Variants in PLAAT5 observed in about 807,000 individuals in gnomAD.
PLAAT5 encodes the protein Ca(2+)-independent N-acyltransferase.
A neutral mutation model predicts 27.8 loss-of-function variants in PLAAT5; 27 were observed. The ratio of observed to expected loss-of-function variants is 0.97; its 90% confidence interval spans 0.72 to 1.34. The LOEUF (loss-of-function observed/expected upper bound fraction) is 1.34, where lower values mean the gene tolerates loss of function less well. PLAAT5 is among the 40% of genes most tolerant of loss of function. The pLI is 0.00. For missense variants in PLAAT5, 368 were observed against 343.8 expected (o/e 1.07, Z -0.56); for synonymous variants, 125 against 136.1 (o/e 0.92, Z 0.57).
chr11:63,469,474 T>G (rs2120237257), intron 3 of PLAAT5: 1 of 242,824 alleles, frequency 4.1e-6, no homozygotes, highest in African/African-American at 2.3e-5. Context: ...AACACCCAGT[T>G]ACATGTTCTC....
chr11:63,464,107 A>G (rs554248798), intron 5 of PLAAT5, among the ~76,000 whole-genome samples: 34 of 152,248 alleles, frequency 2.2e-4, no homozygotes, highest in South Asian at 6.2e-4. Flanking sequence ...ACCAGGGCCC[A>G]CCAAGCCCCG....
At chr11:63,486,729 G>T (rs1197010629) in intron 3 of PLAAT5, among the ~76,000 whole-genome samples, 2 of 152,126 alleles carry the variant, frequency 1.3e-5, no homozygotes, top group African/African-American at 4.8e-5. Context: ...TCAGGTGATG[G>T]ATGCACTAAA....
intron 3 of PLAAT5, among the ~76,000 whole-genome samples, chr11:63,475,485 A>G (rs2016131129): frequency 6.6e-6 from 1 of 152,046 alleles, no homozygotes; most frequent in South Asian, 2.1e-4. Flanking sequence ...TACTGTTTAT[A>G]TCAACCTATT....
At chr11:63,464,508 T>G (rs2015802403) in intron 5 of PLAAT5, among the ~76,000 whole-genome samples, 1 of 151,948 alleles carries the variant, frequency 6.6e-6, no homozygotes, top group Non-Finnish European at 1.5e-5. Context: ...ATACAAAAAT[T>G]AGCTGGGCAT....
Position 63,490,350 on chromosome 11 carries a change from A to T in PLAAT5, c.149-17T>A. On this transcript the variant is annotated splice_polypyrimidine_tract_variant and intron_variant, in intron 1 of 5. Coordinates refer to ENST00000540857, the MANE Select transcript of PLAAT5 (RefSeq NM_001146729.2). ...CGGATTCTTCTAATTCAAGGGGGGAAATGCTATTTAGACCTGTGAAAGGAG... is the reference window on the plus strand; with the variant it reads ...CGGATTCTTCTAATTCAAGGGGGGATATGCTATTTAGACCTGTGAAAGGAG... 6.2e-7 allele frequency: 1 copy of T among 1,614,110 alleles called. No individual in the cohort carries two copies. The highest frequency in any genetic ancestry group is 8.5e-7 in the Non-Finnish European group (1 of 1,180,026).
At position 63,490,377 on chromosome 11, in the gene PLAAT5, G is replaced by C. The variant is rs1450166582; in HGVS notation, c.149-44C>G. 3.7e-6 allele frequency: 6 copies of C among 1,613,628 alleles called. No homozygotes were observed. In the African/African-American group the frequency reaches 4.0e-5, roughly 11 times the overall value. ...TGCTATTTAGACCTGTGAAAGGAGA[G>C]TTCGAGCAAGCACCTTGACCGCTAC... On this transcript the variant is annotated intron_variant, in intron 1 of 5. Coordinates refer to ENST00000540857, the MANE Select transcript of PLAAT5 (RefSeq NM_001146729.2).
At chr11:63,469,149 A>T (rs889806837) in intron 3 of PLAAT5, among the ~76,000 whole-genome samples, 36 of 143,890 alleles carry the variant, frequency 2.5e-4, no homozygotes, top group South Asian at 4.3e-4. Flanking sequence ...TGTGTGTGAG[A>T]GAGAGAGAGA....
chr11:63,475,575 CT>C (rs564876484), intron 3 of PLAAT5, among the ~76,000 whole-genome samples: 2 of 151,920 alleles, frequency 1.3e-5, no homozygotes, highest in East Asian at 3.9e-4. Context: ...TGATCTCTGC[CT>C]TTTTTTGGTG....
At chr11:63,468,310 CT>C (rs766371121) in intron 4 of PLAAT5, 46 bp downstream of exon 4, 1 of 1,369,200 alleles carries the variant, frequency 7.3e-7, no homozygotes, top group Non-Finnish European at 1.0e-6. Flanking sequence ...CTTCTATTTA[CT>C]TTGCTAACTT....
intron 5 of PLAAT5, 99 bp from the exon 6 acceptor site, chr11:63,463,694 C>A: frequency 2.3e-6 from 2 of 880,182 alleles, no homozygotes; most frequent in South Asian, 1.3e-5. Flanking sequence ...ACCAGCCTGT[C>A]TGGAGTCTAT....
Position 63,461,538 on chromosome 11 carries a change from G to A in PLAAT5, c.*1965C>T, listed in dbSNP as rs1211059719. 3 of 152,102 alleles carry A rather than the reference G, an allele frequency of 2.0e-5. No individual in the cohort carries two copies. The East Asian group carries it at 5.8e-4, about 29-fold the overall frequency. 9.4% of individuals were successfully genotyped at this position (152,102 alleles called of 1,614,324 possible). ...CAAGACTAAGAAGCCGCACCCGAGTGGTCCCACTCAAAAAAGAGATTTCTG... is the reference window on the plus strand; with the variant it reads ...CAAGACTAAGAAGCCGCACCCGAGTAGTCCCACTCAAAAAAGAGATTTCTG... On this transcript the variant is annotated 3_prime_UTR_variant, in exon 6 of 6. Transcript: ENST00000540857.
Position 63,462,391 on chromosome 11 carries a change from C to G in PLAAT5, c.*1112G>C, listed in dbSNP as rs1048842472. The G allele has an allele frequency of 2.6e-5, 4 of 152,120 alleles. No homozygotes were observed. The highest frequency in any genetic ancestry group is 9.7e-5 in the African/African-American group (4 of 41,398). The allele number at this position is 152,120 out of a possible 1,614,324, so 9.4% of individuals were successfully genotyped here. A position where few individuals can be genotyped will look rare whatever the true frequency, so the allele number is the denominator to read the frequency against. On this transcript the variant is annotated 3_prime_UTR_variant, in exon 6 of 6. Coordinates refer to ENST00000540857, the MANE Select transcript of PLAAT5 (RefSeq NM_001146729.2). ...TGCAGAGGGAAGACAAAGTCAGATG[C>G]CCAGACTGCAGTGTTGGGGAACAGG...
intron 3 of PLAAT5, among the ~76,000 whole-genome samples, chr11:63,480,848 C>T (rs928216555): frequency 3.9e-5 from 6 of 152,210 alleles, no homozygotes; most frequent in African/African-American, 1.4e-4. Flanking sequence ...CCTCCAATCC[C>T]AGTTGATGCT....
Position 63,466,299 on chromosome 11 carries a change from C to T in PLAAT5, c.528G>A (p.Glu176=). Residue 176 remains glutamate, a synonymous_variant, in exon 5 of 6, where the codon GAG becomes GAA. Coordinates refer to ENST00000540857, the MANE Select transcript of PLAAT5 (RefSeq NM_001146729.2). ...TCCAGGAGCAGCCATGCAGCACATC[C>T]TCCAGACGACTGTATTTCACCACGG... ...NRAVVKYSRL[E]DVLHGCSWKV... is the part of the protein sequence containing the mutation. 1.2e-6 allele frequency: 2 copies of T among 1,614,180 alleles called. No individual in the cohort carries two copies. The highest frequency in any genetic ancestry group is 1.7e-6 in the Non-Finnish European group (2 of 1,180,026).
At position 63,468,434 on chromosome 11, in the gene PLAAT5, A is replaced by T. The variant is rs151260136; in HGVS notation, c.377T>A (p.Ile126Asn). Residue 126 changes from isoleucine (I) to asparagine (N), a missense_variant, in exon 4 of 6, where the codon ATT (isoleucine) becomes AAT (asparagine). Ile to Asn is a moderately radical substitution (Grantham distance 149). Coordinates refer to ENST00000540857, the MANE Select transcript of PLAAT5 (RefSeq NM_001146729.2). ...CTCATAGCCAATTCGAAAAATCTCAATCAGGTCTCCAGGTCTGGGTCTTGG... is the reference window on the plus strand; with the variant it reads ...CTCATAGCCAATTCGAAAAATCTCATTCAGGTCTCCAGGTCTGGGTCTTGG... ...GKPRPRPGDL[I>N]EIFRIGYEHW... The T allele has an allele frequency of 1.5e-4, 243 of 1,613,958 alleles. No homozygotes were observed. Among genetic ancestry groups the T allele is most frequent in the Non-Finnish European group, 1.9e-4 (226 of 1,179,942 alleles).
rs780518067 is a variant in PLAAT5 at position 63,490,952 on chromosome 11, C to T, written c.83G>A (p.Arg28Gln). The T allele has an allele frequency of 1.2e-4, 195 of 1,594,090 alleles. No homozygotes were observed. Among genetic ancestry groups the T allele is most frequent in the Middle Eastern group, 5.0e-4 (3 of 6,034 alleles). ...IPPPLPKPAS[R>Q]TASTGPKDQP... is the part of the protein sequence containing the mutation. ...GTCCTTGGGCCCGGTACTGGCGGTT[C>T]GCGAGGCGGGTTTGGGGAGGGGTGG... The change falls in exon 1 of 6, where the codon CGA becomes CAA. Residue 28 changes from arginine (R) to glutamine (Q), a missense_variant. By Grantham distance (43) the Arg-to-Gln change is conservative. Transcript: ENST00000540857.
intron 3 of PLAAT5, among the ~76,000 whole-genome samples, chr11:63,475,744 A>T (rs1364658432): frequency 6.6e-6 from 1 of 151,612 alleles, no homozygotes; most frequent in East Asian, 1.9e-4. Flanking sequence ...GATCATTTTA[A>T]TTCCTCTGTT....
In PLAAT5 at chr11:63,483,231, C is replaced by G. The variant is rs547868652; in HGVS notation, c.345+5640G>C. ...GGAATGTCAACAAAGAAACAATGGA[C>G]TTAAACAATACCCTAGAACAAATAA... On this transcript the variant is annotated intron_variant, in intron 3 of 5. Transcript: ENST00000540857. Among the ~76,000 whole-genome samples the G allele has an allele frequency of 5.3e-5, 8 of 151,456 alleles. No homozygotes were observed. The East Asian group carries it at 1.6e-3, about 30-fold the overall frequency.
At chr11:63,483,775 C>CAAAA (rs1219483123) in intron 3 of PLAAT5, among the ~76,000 whole-genome samples, 9 of 27,746 alleles carry the variant, frequency 3.2e-4, no homozygotes, top group African/African-American at 1.7e-3. Flanking sequence ...GAAATTGAAG[C>CAAAA]AAAAAAAAAA....
Sources: gnomAD v4.1 joint callset for allele counts (sites outside exome capture counted in the v4.1 genomes callset) on GRCh38, gnomAD v4.1.1 for gene constraint, MANE v1.5 for transcripts, NCBI Gene and HGNC (gene_info 2026-07-23, HGNC 2026-07-21) for gene names.